FOCAD: variants seen among roughly 807,000 people sequenced by gnomAD.
FOCAD encodes the protein focadhesin, also known as KIAA1797.
Under a neutral mutation model 225.6 loss-of-function variants are expected in FOCAD, and 198 were observed. The observed-to-expected ratio is 0.88, with a 90% CI of 0.78 to 0.99. The LOEUF (loss-of-function observed/expected upper bound fraction) is 0.99. Ranked by LOEUF, FOCAD falls within the 50% of genes least tolerant of loss-of-function variation. The pLI, the probability that FOCAD is intolerant of heterozygous loss-of-function variation, is 0.00. For synonymous variants in FOCAD, 897 were observed against 755.0 expected (o/e 1.19, Z -3.08); for missense variants, 2,713 against 2,123.6 (o/e 1.28, Z -5.46).
intron 18 of FOCAD, among the ~76,000 whole-genome samples, chr9:20,867,930 T>C (rs1829429406): frequency 6.6e-6 from 1 of 152,142 alleles, no homozygotes; most frequent in Non-Finnish European, 1.5e-5. Flanking sequence ...TTCTGTTTAC[T>C]GAATTGAATT....
rs1409831890 is a variant in FOCAD, at chr9:20,909,192, G to T, written c.2718+1950G>T. On this transcript the variant is annotated intron_variant, in intron 22 of 43. Coordinates refer to ENST00000338382, the MANE Select transcript of FOCAD (RefSeq NM_001375567.1). ...AGCTATGGTTTGTTGAGTAACTAGT[G>T]TGTGTCCAGTACTTAACATATATTA... 2.6e-5 allele frequency among the ~76,000 whole-genome samples: 4 copies of T among 152,070 alleles called. No individual in the cohort carries two copies. In the East Asian group the frequency reaches 7.7e-4, roughly 29 times the overall value.
At chr9:20,952,931 T>G in intron 34 of FOCAD, 54 bp from the exon 35 acceptor site, 1 of 1,399,138 alleles carries the variant, frequency 7.1e-7, no homozygotes, top group East Asian at 2.3e-5. Flanking sequence ...TTATCTTTCC[T>G]TCATTAGTCC....
intron 21 of FOCAD, among the ~76,000 whole-genome samples, chr9:20,904,760 T>C (rs1832819398): frequency 6.6e-6 from 1 of 152,046 alleles, no homozygotes; most frequent in Admixed American, 6.6e-5. Context: ...TATCATCTGC[T>C]GAATAACTAG....
rs145963839 is a variant in FOCAD at position 20,713,405 on chromosome 9, C to T, written c.-32-1917C>T. ...TTTGGCTAATCTAACTTCCTTTCCT[C>T]CTTTAAGTCTGTTCACATGCCACCC... On this transcript the variant is annotated intron_variant, in intron 1 of 43. Transcript: ENST00000338382. Among the ~76,000 whole-genome samples the T allele has an allele frequency of 6.9e-3, 1,058 of 152,326 alleles. 13 individuals carry two copies. The highest frequency in any genetic ancestry group is 0.022 in the African/African-American group (912 of 41,564).
chr9:20,764,650 T>C (rs1472906245), intron 6 of FOCAD, among the ~76,000 whole-genome samples: 1 of 152,228 alleles, frequency 6.6e-6, no homozygotes, highest in Non-Finnish European at 1.5e-5. Context: ...GCATCTAGCT[T>C]ACAGTCTCCA....
chr9:20,977,095 G>T (rs1366680886), intron 36 of FOCAD, among the ~76,000 whole-genome samples: 1 of 152,078 alleles, frequency 6.6e-6, no homozygotes, highest in Non-Finnish European at 1.5e-5. Context: ...TCTAGAAGCT[G>T]CCCACATTCT....
intron 21 of FOCAD, chr9:20,885,484 G>A (rs1831034318): frequency 9.2e-6 from 2 of 217,798 alleles, no homozygotes; most frequent in African/African-American, 4.6e-5. Context: ...CTTCATCAAT[G>A]CTTAACTGTC....
chr9:20,849,994 C>T (rs1827491363), intron 15 of FOCAD, among the ~76,000 whole-genome samples: 1 of 151,696 alleles, frequency 6.6e-6, no homozygotes. Context: ...CTACTGAGAC[C>T]ACACCATTTC....
intron 11 of FOCAD, among the ~76,000 whole-genome samples, chr9:20,813,885 T>G (rs1462132337): frequency 6.6e-6 from 1 of 152,192 alleles, no homozygotes; most frequent in East Asian, 1.9e-4. Flanking sequence ...CTGTCAATGT[T>G]TGCTTTATAT....
chr9:20,964,764 G>C (rs1322244185), intron 35 of FOCAD, among the ~76,000 whole-genome samples: 4 of 152,116 alleles, frequency 2.6e-5, no homozygotes, highest in Admixed American at 2.0e-4. Flanking sequence ...TTGATCTCTT[G>C]ACCTCATGAT....
At chr9:20,755,055 A>C (rs1201593073) in intron 5 of FOCAD, among the ~76,000 whole-genome samples, 1 of 152,134 alleles carries the variant, frequency 6.6e-6, no homozygotes, top group Admixed American at 6.6e-5. Flanking sequence ...ACTTAGTTGA[A>C]ATGGTATGTT....
At chr9:20,718,343 C>G (rs1317701275) in intron 3 of FOCAD, among the ~76,000 whole-genome samples, 1 of 152,160 alleles carries the variant, frequency 6.6e-6, no homozygotes, top group Admixed American at 6.5e-5. Context: ...ACACAAATAG[C>G]AGGTGAATGC....
At chr9:20,669,591 A>T (rs942072130) in intron 2 of FOCAD, among the ~76,000 whole-genome samples, 69 of 152,144 alleles carry the variant, frequency 4.5e-4, no homozygotes, top group Admixed American at 3.9e-4. Flanking sequence ...CCTGGCCAAC[A>T]TGGGGAAACC....
intron 11 of FOCAD, among the ~76,000 whole-genome samples, chr9:20,807,130 A>C (rs1822544591): frequency 6.6e-6 from 1 of 152,240 alleles, no homozygotes; most frequent in Non-Finnish European, 1.5e-5. Context: ...TCAGTGTTTG[A>C]TGAAAGTTAT....
intron 9 of FOCAD, among the ~76,000 whole-genome samples, chr9:20,781,237 G>C (rs1587137873): frequency 6.6e-6 from 1 of 152,254 alleles, no homozygotes; most frequent in African/African-American, 2.4e-5. Flanking sequence ...TTTTGGTTCT[G>C]GACTTTGGGA....
intron 39 of FOCAD, among the ~76,000 whole-genome samples, chr9:20,984,877 T>G (rs961950275): frequency 6.6e-6 from 1 of 152,240 alleles, no homozygotes; most frequent in Non-Finnish European, 1.5e-5. Flanking sequence ...CTCAACTCAC[T>G]GCAACCTCCG....
chr9:20,972,465 C>T (rs1839849787), intron 35 of FOCAD, among the ~76,000 whole-genome samples: 1 of 151,862 alleles, frequency 6.6e-6, no homozygotes. Context: ...TGTCTAAGTT[C>T]TTTGCCCATT....
chr9:20,759,585 G>T (rs1251298852), intron 6 of FOCAD, among the ~76,000 whole-genome samples: 1 of 152,114 alleles, frequency 6.6e-6, no homozygotes, highest in Non-Finnish European at 1.5e-5. Flanking sequence ...AGACTTACAT[G>T]TTAGACCTAA....
intron 43 of FOCAD, 70 bp downstream of exon 43, chr9:20,993,398 A>C: frequency 7.7e-7 from 1 of 1,298,016 alleles, no homozygotes. Context: ...GCAGAATGGC[A>C]TTCTAGTGGT....
Sources: allele counts gnomAD v4.1 joint callset (sites outside exome capture counted in the v4.1 genomes callset), GRCh38; gene constraint gnomAD v4.1.1; transcripts MANE v1.5; gene names NCBI Gene and HGNC (gene_info 2026-07-23, HGNC 2026-07-21).